The following RCAN1 variants were observed in gnomAD, a reference collection of about 807,000 sequenced individuals.
The protein encoded by RCAN1 is regulator of calcineurin 1, also known as calcipressin-1.
In RCAN1, 11 loss-of-function variants were observed where a neutral mutation model predicts 22.9. That is an observed-to-expected ratio of 0.48 (90% CI 0.30 to 0.79). RCAN1 has a LOEUF of 0.79. Ranked by LOEUF, RCAN1 falls within the 30% of genes least tolerant of loss-of-function variation. The pLI, the probability that RCAN1 is intolerant of heterozygous loss-of-function variation, is 0.06. For missense variants in RCAN1, 291 were observed against 337.8 expected (o/e 0.86, Z 1.09); for synonymous variants, 136 against 142.3 (o/e 0.96, Z 0.32).
intron 1 of RCAN1, among the ~76,000 whole-genome samples, chr21:34,546,576 C>A (rs1032569350): frequency 6.6e-6 from 1 of 152,118 alleles, no homozygotes; most frequent in Non-Finnish European, 1.5e-5. Context: ...AGAAAACAAT[C>A]GCTGTCGCTT....
chr21:34,538,253 G>A (rs571778353), intron 1 of RCAN1, among the ~76,000 whole-genome samples: 8 of 152,132 alleles, frequency 5.3e-5, no homozygotes, highest in Admixed American at 2.6e-4. Flanking sequence ...AAGATCATTC[G>A]GAGAAGAGAG....
chr21:34,590,702 G>C (rs1987942901), intron 1 of RCAN1, among the ~76,000 whole-genome samples: 1 of 152,236 alleles, frequency 6.6e-6, no homozygotes, highest in African/African-American at 2.4e-5. Flanking sequence ...CAGGGACTGA[G>C]AAAGGCTGAT....
At chr21:34,559,239 T>C (rs1393299332) in intron 1 of RCAN1, 2 of 152,082 alleles carry the variant, frequency 1.3e-5, no homozygotes, top group Non-Finnish European at 1.5e-5. Context: ...AATTGAGTAG[T>C]GTTGGGAAGT....
chr21:34,614,641 G>T lies in RCAN1; in HGVS notation c.252+119C>A. On this transcript the variant is annotated intron_variant, in intron 1 of 3. Transcript: ENST00000313806. This position sits in a 1 kb window ranked among gnomAD's most constrained non-coding sequence, Gnocchi z 6.0. ...CGGGTCCGCGGCCGAGCAGCCCGGG[G>T]GACGTCGCTGCCTCCCCGCCCCGCG... 8.9e-7 allele frequency: 1 copy of T among 1,121,738 alleles called. No individual in the cohort carries two copies. Among genetic ancestry groups the T allele is most frequent in the Non-Finnish European group, 1.1e-6 (1 of 909,518 alleles). The allele number at this position is 1,121,738 out of a possible 1,614,324, so 69.5% of individuals were successfully genotyped here.
chr21:34,523,438 A>G, intron 2 of RCAN1, 99 bp downstream of exon 2: 2 of 1,149,536 alleles, frequency 1.7e-6, no homozygotes, highest in Non-Finnish European at 2.5e-6. Context: ...GAAGTCTCAG[A>G]GTTTCCGGTC....
chr21:34,535,541 T>C (rs1394030685), intron 1 of RCAN1, among the ~76,000 whole-genome samples: 1 of 152,200 alleles, frequency 6.6e-6, no homozygotes, highest in Non-Finnish European at 1.5e-5. Context: ...AAAAACACTT[T>C]GAAGTTTAAT....
intron 1 of RCAN1, among the ~76,000 whole-genome samples, chr21:34,549,114 C>T (rs1207348996): frequency 6.6e-6 from 1 of 152,144 alleles, no homozygotes; most frequent in Non-Finnish European, 1.5e-5. Flanking sequence ...TCTTCACTGT[C>T]TCCATCCCAC....
At chr21:34,578,817 G>C (rs939481663) in intron 1 of RCAN1, among the ~76,000 whole-genome samples, 3 of 152,142 alleles carry the variant, frequency 2.0e-5, no homozygotes, top group Non-Finnish European at 4.4e-5. Context: ...AACAGAGTGG[G>C]TCCTCCTGGC....
At position 34,517,584 on chromosome 21, in the gene RCAN1, G is replaced by A. The variant is rs188641039; in HGVS notation, c.*500C>T. ...ATCAGTAATATACATGCACAAACAT[G>A]AGAACATGAGGGAAGAAAGGAAACG... On this transcript the variant is annotated 3_prime_UTR_variant, in exon 4 of 4. Transcript: ENST00000313806. 5.4e-4 allele frequency: 83 copies of A among 153,620 alleles called. No individual in the cohort carries two copies. Among genetic ancestry groups the A allele is most frequent in the Non-Finnish European group, 9.6e-4 (66 of 68,918 alleles). The allele number at this position is 153,620 out of a possible 1,614,324, so 9.5% of individuals were successfully genotyped here. A position where few individuals can be genotyped will look rare whatever the true frequency, so the allele number is the denominator to read the frequency against.
intron 1 of RCAN1, among the ~76,000 whole-genome samples, chr21:34,540,842 G>C (rs1407664185): frequency 1.3e-5 from 2 of 152,008 alleles, no homozygotes; most frequent in Non-Finnish European, 2.9e-5. Context: ...AAAATTAGCT[G>C]GGCGGGGTGG....
intron 1 of RCAN1, among the ~76,000 whole-genome samples, chr21:34,556,089 T>C (rs1601170056): frequency 1.5e-5 from 1 of 65,942 alleles, no homozygotes; most frequent in Admixed American, 2.2e-4. Context: ...AATAAATAAA[T>C]AAATAAATAA....
At chr21:34,542,056 A>G (rs1985936601) in intron 1 of RCAN1, among the ~76,000 whole-genome samples, 1 of 152,190 alleles carries the variant, frequency 6.6e-6, no homozygotes, top group Non-Finnish European at 1.5e-5. Context: ...GCATACACCC[A>G]AATTTGGGCT....
chr21:34,552,581 T>A (rs1986409571), intron 1 of RCAN1, among the ~76,000 whole-genome samples: 1 of 152,024 alleles, frequency 6.6e-6, no homozygotes, highest in Non-Finnish European at 1.5e-5. Flanking sequence ...GGCATCAGAA[T>A]CAATGGAAAT....
intron 1 of RCAN1, among the ~76,000 whole-genome samples, chr21:34,546,764 T>G (rs1471663576): frequency 6.6e-6 from 1 of 152,196 alleles, no homozygotes; most frequent in Admixed American, 6.5e-5. Context: ...TTCCCTGAGA[T>G]GTACATTTTA....
At chr21:34,551,784 G>T (rs1414641798) in intron 1 of RCAN1, among the ~76,000 whole-genome samples, 1 of 150,934 alleles carries the variant, frequency 6.6e-6, no homozygotes, top group Non-Finnish European at 1.5e-5. Context: ...AAGACAAGTG[G>T]GCTGTGTAAA....
intron 1 of RCAN1, among the ~76,000 whole-genome samples, chr21:34,602,753 T>C (rs1233382868): frequency 6.6e-6 from 1 of 152,222 alleles, no homozygotes; most frequent in Non-Finnish European, 1.5e-5. Context: ...AGTAACCTAA[T>C]ACCTGAAGCC....
At chr21:34,581,327 G>A (rs1987601793) in intron 1 of RCAN1, among the ~76,000 whole-genome samples, 1 of 152,152 alleles carries the variant, frequency 6.6e-6, no homozygotes, top group African/African-American at 2.4e-5. Flanking sequence ...TGCTTAGGCA[G>A]TTCTCAGACT....
In RCAN1 at chr21:34,614,830, A is replaced by G; in HGVS notation, c.182T>C (p.Leu61Pro). 6.7e-7 allele frequency: 1 copy of G among 1,490,138 alleles called. No individual in the cohort carries two copies. The highest frequency in any genetic ancestry group is 8.9e-7 in the Non-Finnish European group (1 of 1,118,360). 92.3% of individuals were successfully genotyped at this position (1,490,138 alleles called of 1,614,324 possible). Residue 61 changes from leucine to proline, a missense_variant, in exon 1 of 4, where the codon CTG becomes CCG. By Grantham distance (98) the Leu-to-Pro change is moderately conservative. Coordinates refer to ENST00000313806, the MANE Select transcript of RCAN1 (RefSeq NM_004414.7). The surrounding 1 kb of genome is among the most constrained non-coding windows in gnomAD (Gnocchi z 6.0). ...GATGGTGGCGCTGGGCAGGTCCTGC[A>G]GGTCCACCTCCTCCATCTCGCAGTC... ...FIDCEMEEVDLQDLPSATIAC... is the reference protein window; with the variant it reads ...FIDCEMEEVDPQDLPSATIAC...
intron 1 of RCAN1, among the ~76,000 whole-genome samples, chr21:34,566,914 T>C (rs1003602154): frequency 2.6e-5 from 4 of 152,098 alleles, no homozygotes; most frequent in African/African-American, 4.8e-5. Flanking sequence ...AACTCACTAC[T>C]GCAAGAACAG....
Sources: allele counts gnomAD v4.1 joint callset (sites outside exome capture counted in the v4.1 genomes callset), GRCh38; gene constraint gnomAD v4.1.1; non-coding constraint Gnocchi (gnomAD v3.1); transcripts MANE v1.5; gene names NCBI Gene and HGNC (gene_info 2026-07-23, HGNC 2026-07-21).